ARHGAP22: variants seen among roughly 807,000 people sequenced by gnomAD.
ARHGAP22 encodes Rho GTPase activating protein 22.
ARHGAP22 carries 48 observed loss-of-function variants against 59.1 expected under a neutral mutation model. That is an observed-to-expected ratio of 0.81 (90% CI 0.64 to 1.03). The LOEUF is 1.03. Ranked by LOEUF, ARHGAP22 falls within the 50% of genes least tolerant of loss-of-function variation. The pLI is 0.00. For missense variants in ARHGAP22, 1,015 were observed against 958.7 expected (o/e 1.06, Z -0.78); for synonymous variants, 445 against 416.4 (o/e 1.07, Z -0.84).
chr10:48,502,322 T>C lies in ARHGAP22; in HGVS notation c.323-22558A>G, dbSNP rs574461067. On this transcript the variant is annotated intron_variant, in intron 3 of 9. Coordinates refer to ENST00000249601, the MANE Select transcript of ARHGAP22 (RefSeq NM_021226.4). ...ACTCTGATTTTTCTCCCAGGGACAATTGCAGAAGTGAAGAGTGTGGGAACA... is the reference window on the plus strand; with the variant it reads ...ACTCTGATTTTTCTCCCAGGGACAACTGCAGAAGTGAAGAGTGTGGGAACA... 2.6e-5 allele frequency among the ~76,000 whole-genome samples: 4 copies of C among 152,242 alleles called. No homozygotes were observed. In the South Asian group the frequency reaches 6.2e-4, roughly 24 times the overall value.
At chr10:48,461,536 A>T (rs1158450869) in intron 4 of ARHGAP22, among the ~76,000 whole-genome samples, 3 of 152,258 alleles carry the variant, frequency 2.0e-5, no homozygotes, top group Non-Finnish European at 4.4e-5. Flanking sequence ...AATGAGGAAT[A>T]GAGGGAGAGA....
chr10:48,636,584 T>G (rs1211007765), intron 1 of ARHGAP22, among the ~76,000 whole-genome samples: 2 of 152,346 alleles, frequency 1.3e-5, no homozygotes, highest in Admixed American at 1.3e-4. Flanking sequence ...AGCCCTGCCC[T>G]TTTGCAGACC....
chr10:48,454,883 G>A, intron 6 of ARHGAP22, 119 bp downstream of exon 6: 6 of 1,051,536 alleles, frequency 5.7e-6, no homozygotes, highest in Non-Finnish European at 7.3e-6. Context: ...CAACACAGCA[G>A]GCCTCCACAG....
intron 1 of ARHGAP22, among the ~76,000 whole-genome samples, chr10:48,641,306 T>TA (rs1450596138): frequency 1.3e-5 from 2 of 152,154 alleles, no homozygotes; most frequent in African/African-American, 4.8e-5. Flanking sequence ...AGACTCTCCA[T>TA]AAAATAGCAA....
chr10:48,546,262 A>G (rs950821456), intron 3 of ARHGAP22, among the ~76,000 whole-genome samples: 2 of 152,196 alleles, frequency 1.3e-5, no homozygotes, highest in African/African-American at 4.8e-5. Context: ...ATTGGTGGAG[A>G]TGAGCATCAG....
intron 3 of ARHGAP22, among the ~76,000 whole-genome samples, chr10:48,537,929 A>C (rs1473147370): frequency 2.6e-5 from 4 of 152,174 alleles, no homozygotes; most frequent in Non-Finnish European, 5.9e-5. Flanking sequence ...GAGAGTGTGG[A>C]CTGGATTCCA....
At chr10:48,643,904 T>TG (rs2062176507) in intron 1 of ARHGAP22, among the ~76,000 whole-genome samples, 1 of 151,984 alleles carries the variant, frequency 6.6e-6, no homozygotes, top group Non-Finnish European at 1.5e-5. Flanking sequence ...TCCCAGCACT[T>TG]GGGGAGGCCA....
chr10:48,603,321 A>G (rs75530628), intron 1 of ARHGAP22, among the ~76,000 whole-genome samples: 3,468 of 152,348 alleles, frequency 0.023, 117 homozygotes, highest in East Asian at 0.13. Context: ...AAAATATAAT[A>G]TGAGTCACAT....
intron 1 of ARHGAP22, among the ~76,000 whole-genome samples, chr10:48,590,286 G>A (rs2059672708): frequency 6.6e-6 from 1 of 152,022 alleles, no homozygotes; most frequent in South Asian, 2.1e-4. Flanking sequence ...CATTTGGACT[G>A]GCAGATGTGG....
rs150443760 is a variant in ARHGAP22 at position 48,486,117 on chromosome 10, C to T, written c.323-6353G>A. On this transcript the variant is annotated intron_variant, in intron 3 of 9. Transcript: ENST00000249601. ...TAGTAAAAATCTCACTCTCTTCATG[C>T]TGTAGGAATTGCTTTAGGGTTTATG... 3.6e-3 allele frequency among the ~76,000 whole-genome samples: 554 copies of T among 152,006 alleles called. 1 individual carries two copies. The highest frequency in any genetic ancestry group is 5.1e-3 in the Non-Finnish European group (347 of 67,976).
chr10:48,431,395 TAAGGAA>T, the ARHGAP22 span: 1 of 664,470 alleles, frequency 1.5e-6, no homozygotes, highest in East Asian at 2.8e-5. Flanking sequence ...TTAATAAGTA[TAAGGAA>T]ATACAGTTTT....
intron 2 of ARHGAP22, among the ~76,000 whole-genome samples, chr10:48,577,808 T>TGG (rs1303350029): frequency 2.1e-4 from 24 of 111,900 alleles, no homozygotes; most frequent in South Asian, 3.9e-4. Context: ...TTGGTTTTTT[T>TGG]TTTTTTTTTT....
chr10:48,589,359 C>T (rs1401199520), intron 1 of ARHGAP22, among the ~76,000 whole-genome samples: 1 of 152,106 alleles, frequency 6.6e-6, no homozygotes, highest in African/African-American at 2.4e-5. Flanking sequence ...TCAACTTCCT[C>T]CATCCTCCCA....
chr10:48,642,646 C>T (rs1442121521), intron 1 of ARHGAP22, among the ~76,000 whole-genome samples: 3 of 152,260 alleles, frequency 2.0e-5, no homozygotes, highest in Admixed American at 1.3e-4. Flanking sequence ...TAGAAGAAAA[C>T]CTAGGCAATA....
At chr10:48,635,605 C>G (rs1237962722) in intron 1 of ARHGAP22, among the ~76,000 whole-genome samples, 1 of 152,248 alleles carries the variant, frequency 6.6e-6, no homozygotes, top group Admixed American at 6.5e-5. Flanking sequence ...AACCCCCACC[C>G]TCTCCCCTTC....
At chr10:48,541,308 G>A (rs1177004732) in intron 3 of ARHGAP22, among the ~76,000 whole-genome samples, 1 of 152,154 alleles carries the variant, frequency 6.6e-6, no homozygotes, top group East Asian at 1.9e-4. Context: ...ATTTAGTCTA[G>A]CTGAGATCAC....
In ARHGAP22 at chr10:48,493,537, C is replaced by A. The variant is rs567241849; in HGVS notation, c.323-13773G>T. On this transcript the variant is annotated intron_variant, in intron 3 of 9. Transcript: ENST00000249601. ...CAGTGAGAGGAGCAGTGGCCAGACA[C>A]ACCTGTTGGGGTGCAGAAAACCACC... is the stretch of plus-strand genomic sequence containing the variant. 6 of 1,529,364 alleles carry A rather than the reference C, an allele frequency of 3.9e-6. No homozygotes were observed. In the South Asian group the frequency reaches 7.2e-5, roughly 18 times the overall value. 94.7% of individuals were successfully genotyped at this position (1,529,364 alleles called of 1,614,324 possible).
chr10:48,506,501 T>C (rs1352344709), intron 3 of ARHGAP22, among the ~76,000 whole-genome samples: 1 of 152,234 alleles, frequency 6.6e-6, no homozygotes, highest in African/African-American at 2.4e-5. Flanking sequence ...AACGTCATGA[T>C]GTGGCACATG....
At chr10:48,595,917 G>A (rs906694460) in intron 1 of ARHGAP22, among the ~76,000 whole-genome samples, 4 of 152,214 alleles carry the variant, frequency 2.6e-5, no homozygotes, top group Admixed American at 6.5e-5. Context: ...AATGAGCCTC[G>A]CCTCGGCATG....
Sources: gnomAD v4.1 joint callset for allele counts (sites outside exome capture counted in the v4.1 genomes callset) on GRCh38, gnomAD v4.1.1 for gene constraint, MANE v1.5 for transcripts, NCBI Gene and HGNC (gene_info 2026-07-23, HGNC 2026-07-21) for gene names.